Variants in STXBP5L observed in about 807,000 individuals in gnomAD.
STXBP5L encodes syntaxin-binding protein 5-like.
A neutral mutation model predicts 144.5 loss-of-function variants in STXBP5L; 65 were observed. The observed-to-expected ratio is 0.45, with a 90% CI of 0.37 to 0.55. The LOEUF is 0.55. Among genes scored for constraint, STXBP5L ranks in the 20% least tolerant of loss-of-function variants. STXBP5L has a pLI of 0.00. For missense variants in STXBP5L, 1,298 were observed against 1,405.5 expected (o/e 0.92, Z 1.22); for synonymous variants, 505 against 469.6 (o/e 1.08, Z -0.97).
chr3:121,384,075 G>C (rs537401258), intron 22 of STXBP5L, among the ~76,000 whole-genome samples: 8 of 152,134 alleles, frequency 5.3e-5, no homozygotes, highest in African/African-American at 1.9e-4. Flanking sequence ...CCTTAGACTT[G>C]AAAACAGTCT....
chr3:121,347,198 A>G (rs1252788029), intron 20 of STXBP5L, among the ~76,000 whole-genome samples: 2 of 152,206 alleles, frequency 1.3e-5, no homozygotes, highest in South Asian at 2.1e-4. Flanking sequence ...AGCACCATTT[A>G]TTAAATAGGG....
chr3:120,959,952 A>C (rs536539894), intron 3 of STXBP5L, among the ~76,000 whole-genome samples: 2 of 152,332 alleles, frequency 1.3e-5, no homozygotes, highest in African/African-American at 4.8e-5. Context: ...AGAAACTACC[A>C]TCAGAATGAA....
intron 5 of STXBP5L, among the ~76,000 whole-genome samples, chr3:121,070,147 T>G (rs2041741300): frequency 6.6e-6 from 1 of 152,254 alleles, no homozygotes; most frequent in South Asian, 2.1e-4. Context: ...ATGTCCAGAA[T>G]TCTGAGCCCT....
intron 20 of STXBP5L, among the ~76,000 whole-genome samples, chr3:121,334,875 G>A (rs1377290087): frequency 1.1e-4 from 17 of 152,110 alleles, no homozygotes; most frequent in Admixed American, 2.0e-4. Context: ...GGCAAAAGCT[G>A]GAAGCATTCC....
intron 20 of STXBP5L, among the ~76,000 whole-genome samples, chr3:121,348,680 T>C (rs1231515479): frequency 6.6e-6 from 1 of 152,072 alleles, no homozygotes; most frequent in African/African-American, 2.4e-5. Context: ...CCTGGTTTAG[T>C]CTTGGGAGGG....
intron 2 of STXBP5L, among the ~76,000 whole-genome samples, chr3:120,950,085 A>G (rs922693764): frequency 3.8e-4 from 58 of 152,078 alleles, no homozygotes; most frequent in African/African-American, 1.4e-3. Flanking sequence ...ATTTAAAAAA[A>G]CATTACCTAA....
chr3:121,321,215 G>A (rs2043959035), intron 20 of STXBP5L, among the ~76,000 whole-genome samples: 1 of 152,136 alleles, frequency 6.6e-6, no homozygotes, highest in South Asian at 2.1e-4. Context: ...TAAATTATAA[G>A]TAATAATAAT....
chr3:121,059,407 G>A (rs886475487), intron 5 of STXBP5L, among the ~76,000 whole-genome samples: 1 of 152,114 alleles, frequency 6.6e-6, no homozygotes, highest in South Asian at 2.1e-4. Flanking sequence ...CAGGTAGCAT[G>A]GTGCCTCCAG....
At chr3:121,211,575 TTTC>T (rs1258663130) in intron 10 of STXBP5L, among the ~76,000 whole-genome samples, 3 of 86,028 alleles carry the variant, frequency 3.5e-5, no homozygotes, top group East Asian at 8.6e-4. Context: ...ACTTTTTTTC[TTTC>T]TTTTTTTTTT....
At chr3:121,293,221 G>T (rs1360409552) in intron 19 of STXBP5L, among the ~76,000 whole-genome samples, 2 of 152,026 alleles carry the variant, frequency 1.3e-5, no homozygotes, top group African/African-American at 4.8e-5. Flanking sequence ...GAAAAAAAAG[G>T]ACACATTACT....
intron 10 of STXBP5L, among the ~76,000 whole-genome samples, chr3:121,210,532 T>A (rs1440491478): frequency 2.6e-5 from 4 of 152,200 alleles, no homozygotes; most frequent in Non-Finnish European, 5.9e-5. Flanking sequence ...TGGTATTGCC[T>A]AGGTTTTCTT....
chr3:121,104,016 C>G (rs190836354), intron 5 of STXBP5L, among the ~76,000 whole-genome samples: 2 of 152,242 alleles, frequency 1.3e-5, no homozygotes, highest in Admixed American at 6.5e-5. Context: ...ATGAGTGTGT[C>G]AGATGATATG....
At chr3:121,301,281 T>C (rs1050317028) in intron 19 of STXBP5L, among the ~76,000 whole-genome samples, 1 of 152,192 alleles carries the variant, frequency 6.6e-6, no homozygotes, top group African/African-American at 2.4e-5. Context: ...TAAGTTGGAT[T>C]CCTAGGTATT....
intron 13 of STXBP5L, 88 bp from the exon 14 acceptor site, chr3:121,240,352 C>G: frequency 8.0e-7 from 1 of 1,248,878 alleles, no homozygotes; most frequent in Non-Finnish European, 1.1e-6. Flanking sequence ...TTTAAGTGAG[C>G]TTTTTATCAT....
chr3:121,138,903 G>A (rs773095298), intron 7 of STXBP5L, among the ~76,000 whole-genome samples: 1 of 151,996 alleles, frequency 6.6e-6, no homozygotes, highest in East Asian at 1.9e-4. Flanking sequence ...ATAGACAAAT[G>A]AGATTATATC....
chr3:121,103,773 AAGAGAAAAGTT>A (rs2043552901), intron 5 of STXBP5L, among the ~76,000 whole-genome samples: 1 of 152,204 alleles, frequency 6.6e-6, no homozygotes, highest in South Asian at 2.1e-4. Flanking sequence ...TCTGTTGGTT[AAGAGAAAAGTT>A]AGAGAAAATT....
At chr3:121,346,739 A>C (rs2045006014) in intron 20 of STXBP5L, among the ~76,000 whole-genome samples, 1 of 152,212 alleles carries the variant, frequency 6.6e-6, no homozygotes, top group Non-Finnish European at 1.5e-5. Flanking sequence ...TTTTGTCTGC[A>C]TAAATGTCTT....
intron 5 of STXBP5L, among the ~76,000 whole-genome samples, chr3:121,060,789 G>A (rs1399704124): frequency 1.3e-5 from 2 of 152,030 alleles, no homozygotes; most frequent in Non-Finnish European, 2.9e-5. Flanking sequence ...TCTGATGGTA[G>A]TTTGTATTTC....
chr3:121,278,629 A>G (rs1345898154), intron 18 of STXBP5L, among the ~76,000 whole-genome samples: 1 of 151,926 alleles, frequency 6.6e-6, no homozygotes, highest in Non-Finnish European at 1.5e-5. Context: ...TTTTGCATGG[A>G]AAAATTTCAA....
Sources: gnomAD v4.1 joint callset for allele counts (sites outside exome capture counted in the v4.1 genomes callset) on GRCh38, gnomAD v4.1.1 for gene constraint, MANE v1.5 for transcripts, NCBI Gene and HGNC (gene_info 2026-07-23, HGNC 2026-07-21) for gene names.